The following LRP1B variants were observed in gnomAD, a reference collection of about 807,000 sequenced individuals.
LRP1B encodes low-density lipoprotein receptor-related protein 1B.
LRP1B carries 217 observed loss-of-function variants against 556.6 expected under a neutral mutation model. The observed-to-expected ratio is 0.39, with a 90% CI of 0.35 to 0.44. The LOEUF (loss-of-function observed/expected upper bound fraction) is 0.44. Among genes scored for constraint, LRP1B ranks in the 20% least tolerant of loss-of-function variants. LRP1B has a pLI of 1.00. For missense variants in LRP1B, 5,053 were observed against 5,620.8 expected, an observed-to-expected ratio of 0.90 and a Z score of 3.23; for synonymous variants, 2,047 against 1,865.8, an observed-to-expected ratio of 1.10 and a Z score of -2.50.
At chr2:141,619,069 A>G (rs553561715) in intron 2 of LRP1B, among the ~76,000 whole-genome samples, 1 of 152,266 alleles carries the variant, frequency 6.6e-6, no homozygotes, top group African/African-American at 2.4e-5. Context: ...TTAGAGCCCT[A>G]TTGATTTCTA....
chr2:141,791,112 A>G (rs1039006683), intron 2 of LRP1B, among the ~76,000 whole-genome samples: 1 of 151,984 alleles, frequency 6.6e-6, no homozygotes, highest in Non-Finnish European at 1.5e-5. Context: ...TATAATTTTT[A>G]CTAAAGCAAT....
At chr2:141,500,432 G>A (rs6723276) in intron 2 of LRP1B, among the ~76,000 whole-genome samples, 64,168 of 151,892 alleles carry the variant, frequency 0.42, 14,040 homozygotes, top group Non-Finnish European at 0.48. Context: ...TGCAGGCCCC[G>A]GTTACTAAGC....
chr2:141,149,196 T>TTG (rs1351470041), intron 7 of LRP1B, among the ~76,000 whole-genome samples: 1 of 151,132 alleles, frequency 6.6e-6, no homozygotes, highest in African/African-American at 2.4e-5. Flanking sequence ...GTTTTTTTTG[T>TTG]TTTGTTTTGT....
chr2:141,578,420 G>GA lies in LRP1B; in HGVS notation c.206-97888dup, dbSNP rs1183679936. Reference sequence around the variant, plus strand: ...TCAAAAAAAAAAAAAAAGAAAAAAAGAAAAAAAAAATCAGTCACTGCCCAC... The same window carrying GA: ...TCAAAAAAAAAAAAAAAGAAAAAAAGAAAAAAAAAAATCAGTCACTGCCCAC... On this transcript the variant is annotated intron_variant, in intron 2 of 90. Coordinates refer to ENST00000389484, the MANE Select transcript of LRP1B (RefSeq NM_018557.3). 1.3e-3 allele frequency among the ~76,000 whole-genome samples: 185 copies of GA among 144,830 alleles called. 2 individuals are homozygous for GA. Among genetic ancestry groups the GA allele is most frequent in the Middle Eastern group, 3.7e-3 (1 of 270 alleles).
intron 21 of LRP1B, among the ~76,000 whole-genome samples, chr2:140,918,774 G>A (rs78409655): frequency 3.5e-4 from 53 of 152,144 alleles, no homozygotes; most frequent in East Asian, 1.5e-3. Context: ...CATATCATAA[G>A]AAGATTGCCA....
intron 1 of LRP1B, among the ~76,000 whole-genome samples, chr2:141,860,391 T>C (rs1220591615): frequency 6.6e-6 from 1 of 152,168 alleles, no homozygotes; most frequent in Non-Finnish European, 1.5e-5. Flanking sequence ...CTGTAAAAAT[T>C]CAAAGTAATT....
At chr2:140,408,676 A>G (rs1453488714) in intron 66 of LRP1B, among the ~76,000 whole-genome samples, 1 of 151,960 alleles carries the variant, frequency 6.6e-6, no homozygotes, top group East Asian at 1.9e-4. Context: ...GAGGGAAAGG[A>G]CACTCCAACA....
At chr2:141,226,035 A>T (rs1426783871) in intron 6 of LRP1B, among the ~76,000 whole-genome samples, 1 of 152,154 alleles carries the variant, frequency 6.6e-6, no homozygotes, top group Non-Finnish European at 1.5e-5. Context: ...CGGTATTTAG[A>T]AAAAGCTATA....
intron 3 of LRP1B, among the ~76,000 whole-genome samples, chr2:141,448,652 A>T (rs560377981): frequency 6.2e-4 from 94 of 152,180 alleles, no homozygotes; most frequent in African/African-American, 2.1e-3. Flanking sequence ...TAGGGGAGGG[A>T]GTTCCCCAAC....
intron 27 of LRP1B, among the ~76,000 whole-genome samples, chr2:140,856,137 C>T (rs35451674): frequency 0.12 from 17,642 of 152,220 alleles, 1,059 homozygotes; most frequent in Non-Finnish European, 0.13. Flanking sequence ...TACCACTTTC[C>T]TTCTACATAC....
chr2:141,438,704 A>G (rs576559174), intron 3 of LRP1B, among the ~76,000 whole-genome samples: 1 of 152,290 alleles, frequency 6.6e-6, no homozygotes, highest in African/African-American at 2.4e-5. Flanking sequence ...CAAAAGAAAC[A>G]GCCAGATCAC....
chr2:140,686,308 T>G (rs1686050860), intron 41 of LRP1B, among the ~76,000 whole-genome samples: 1 of 151,996 alleles, frequency 6.6e-6, no homozygotes, highest in East Asian at 1.9e-4. Flanking sequence ...CTAACTCAAT[T>G]AAGTGTTGTT....
intron 7 of LRP1B, among the ~76,000 whole-genome samples, chr2:141,104,017 A>G (rs1700537985): frequency 6.6e-6 from 1 of 152,002 alleles, no homozygotes; most frequent in South Asian, 2.1e-4. Context: ...CGGTAGTTTA[A>G]GGATTATAAT....
chr2:141,157,979 C>T (rs1702110595), intron 7 of LRP1B, among the ~76,000 whole-genome samples: 2 of 152,110 alleles, frequency 1.3e-5, no homozygotes, highest in Non-Finnish European at 2.9e-5. Context: ...TCTACAAATA[C>T]ACCAGTTGTC....
At chr2:140,576,374 C>G (rs1382750411) in intron 43 of LRP1B, among the ~76,000 whole-genome samples, 2 of 152,048 alleles carry the variant, frequency 1.3e-5, no homozygotes, top group Non-Finnish European at 2.9e-5. Context: ...AGAGAAAGAA[C>G]AAAAGGAGAA....
chr2:141,649,426 T>C (rs1689702560), intron 2 of LRP1B, among the ~76,000 whole-genome samples: 1 of 152,320 alleles, frequency 6.6e-6, no homozygotes, highest in South Asian at 2.1e-4. Flanking sequence ...CCATTTACCA[T>C]ACCTTATTAT....
intron 7 of LRP1B, among the ~76,000 whole-genome samples, chr2:141,151,536 G>T (rs1701925061): frequency 6.6e-6 from 1 of 152,038 alleles, no homozygotes; most frequent in Non-Finnish European, 1.5e-5. Context: ...TATGAAGATG[G>T]CTAAGACACA....
At chr2:141,526,792 A>T (rs1684706563) in intron 2 of LRP1B, among the ~76,000 whole-genome samples, 1 of 152,220 alleles carries the variant, frequency 6.6e-6, no homozygotes, top group South Asian at 2.1e-4. Flanking sequence ...CCAGAACAGT[A>T]CTGCTAGTCT....
chr2:140,818,869 A>G (rs6736650), intron 31 of LRP1B, among the ~76,000 whole-genome samples: 108,791 of 149,488 alleles, frequency 0.73, 42,026 homozygotes, highest in Non-Finnish European at 0.86. Context: ...CCCAGGAGGT[A>G]GAGGTTGCAG....
Sources: gnomAD v4.1 joint callset for allele counts (sites outside exome capture counted in the v4.1 genomes callset) on GRCh38, gnomAD v4.1.1 for gene constraint, MANE v1.5 for transcripts, NCBI Gene and HGNC (gene_info 2026-07-23, HGNC 2026-07-21) for gene names.